BTRC: variants seen among roughly 807,000 people sequenced by gnomAD.
The protein encoded by BTRC is beta-transducin repeat containing E3 ubiquitin protein ligase.
BTRC carries 42 observed loss-of-function variants against 85.5 expected under a neutral mutation model. That is an observed-to-expected ratio of 0.49 (90% CI 0.38 to 0.64). BTRC has a LOEUF of 0.64. Among genes scored for constraint, BTRC ranks in the 30% least tolerant of loss-of-function variants. BTRC has a pLI of 0.00. For missense variants in BTRC, 594 were observed against 743.5 expected (o/e 0.80, Z 2.34); for synonymous variants, 255 against 263.3 (o/e 0.97, Z 0.30).
intron 5 of BTRC, among the ~76,000 whole-genome samples, chr10:101,522,839 A>C (rs559223147): frequency 1.8e-4 from 27 of 152,174 alleles, no homozygotes; most frequent in South Asian, 6.2e-4. Context: ...TGTCTTTTAT[A>C]ATAACACGTC....
chr10:101,476,486 TAA>T (rs1160850468), intron 3 of BTRC, among the ~76,000 whole-genome samples: 3 of 152,216 alleles, frequency 2.0e-5, no homozygotes, highest in Non-Finnish European at 4.4e-5. Context: ...TTTCTTTTTT[TAA>T]AGAGATGATG....
chr10:101,460,733 A>G (rs1945201775), intron 2 of BTRC, among the ~76,000 whole-genome samples: 1 of 152,350 alleles, frequency 6.6e-6, no homozygotes, highest in Middle Eastern at 3.4e-3. Flanking sequence ...TGAAATTTAC[A>G]TGTAGGTTTA....
At chr10:101,491,680 G>C (rs1210851056) in intron 4 of BTRC, among the ~76,000 whole-genome samples, 1 of 151,466 alleles carries the variant, frequency 6.6e-6, no homozygotes, top group Admixed American at 6.6e-5. Context: ...CTGGGTGACA[G>C]AGTAAGACTC....
intron 1 of BTRC, among the ~76,000 whole-genome samples, chr10:101,387,289 G>A (rs1219249576): frequency 6.6e-6 from 1 of 151,292 alleles, no homozygotes; most frequent in African/African-American, 2.4e-5. Context: ...TTAGTAATTA[G>A]TGTATGTATC....
At chr10:101,463,656 T>G (rs767362109) in intron 3 of BTRC, among the ~76,000 whole-genome samples, 27 of 151,864 alleles carry the variant, frequency 1.8e-4, no homozygotes, top group Non-Finnish European at 3.4e-4. Flanking sequence ...CCTGTAAAGT[T>G]TTTAGATATG....
At chr10:101,456,236 A>G (rs1458657954) in intron 2 of BTRC, among the ~76,000 whole-genome samples, 5 of 152,042 alleles carry the variant, frequency 3.3e-5, no homozygotes, top group African/African-American at 1.2e-4. Flanking sequence ...TTAGGCAAGG[A>G]TGTCAATGTC....
At chr10:101,488,023 AT>A (rs1323506717) in intron 4 of BTRC, among the ~76,000 whole-genome samples, 2 of 152,104 alleles carry the variant, frequency 1.3e-5, no homozygotes, top group East Asian at 3.9e-4. Flanking sequence ...GAGTCATTTG[AT>A]TTTGATTACC....
intron 1 of BTRC, among the ~76,000 whole-genome samples, chr10:101,401,378 G>A (rs1358094680): frequency 6.6e-6 from 1 of 152,056 alleles, no homozygotes; most frequent in African/African-American, 2.4e-5. Flanking sequence ...TTCTGTCAAG[G>A]GGAGAATAAA....
At chr10:101,454,928 A>G (rs1945036474) in intron 2 of BTRC, among the ~76,000 whole-genome samples, 1 of 152,206 alleles carries the variant, frequency 6.6e-6, no homozygotes, top group African/African-American at 2.4e-5. Context: ...GATGGTCCTG[A>G]AAACCAGGCC....
intron 1 of BTRC, among the ~76,000 whole-genome samples, chr10:101,371,986 A>G (rs752289487): frequency 1.6e-4 from 25 of 152,214 alleles, no homozygotes; most frequent in Non-Finnish European, 2.8e-4. Flanking sequence ...TTCTATAGCC[A>G]GCTTATTCAG....
At chr10:101,369,674 A>G (rs949822354) in intron 1 of BTRC, among the ~76,000 whole-genome samples, 6 of 152,176 alleles carry the variant, frequency 3.9e-5, no homozygotes, top group Non-Finnish European at 5.9e-5. Flanking sequence ...ATCATACTGG[A>G]CACACCACAC....
chr10:101,371,738 A>C (rs989430959), intron 1 of BTRC, among the ~76,000 whole-genome samples: 1 of 152,192 alleles, frequency 6.6e-6, no homozygotes, highest in African/African-American at 2.4e-5. Flanking sequence ...TACCTCTTCA[A>C]GTCCGTGAGA....
chr10:101,453,032 T>C (rs1944989092), intron 2 of BTRC, among the ~76,000 whole-genome samples: 1 of 152,194 alleles, frequency 6.6e-6, no homozygotes. Flanking sequence ...TCACCTTTCA[T>C]ACAAGAGTTT....
At position 101,354,524 on chromosome 10, in the gene BTRC, G is replaced by A; in HGVS notation, c.48+296G>A. ...CGGGGCCCTGGAGGGAAAGGGGCGTGGGGACTGTTACTGAAAAGCGGAGGA... is the reference window on the plus strand; with the variant it reads ...CGGGGCCCTGGAGGGAAAGGGGCGTAGGGACTGTTACTGAAAAGCGGAGGA... On this transcript the variant is annotated intron_variant, in intron 1 of 14. Coordinates refer to ENST00000370187, the MANE Select transcript of BTRC (RefSeq NM_033637.4). The A allele has an allele frequency of 8.9e-6, 4 of 449,982 alleles. No homozygotes were observed. The East Asian group carries it at 1.6e-4, about 18-fold the overall frequency. 27.9% of individuals were successfully genotyped at this position (449,982 alleles called of 1,614,324 possible).
At chr10:101,392,035 A>G (rs1943248031) in intron 1 of BTRC, among the ~76,000 whole-genome samples, 1 of 152,098 alleles carries the variant, frequency 6.6e-6, no homozygotes, top group Non-Finnish European at 1.5e-5. Context: ...GCTGGAGTGC[A>G]GTGCCGCTAT....
intron 4 of BTRC, among the ~76,000 whole-genome samples, chr10:101,486,103 G>A (rs1302810512): frequency 6.6e-6 from 1 of 152,160 alleles, no homozygotes; most frequent in Non-Finnish European, 1.5e-5. Flanking sequence ...ATGTTGTTAG[G>A]AAAGAGAGAG....
At chr10:101,418,969 C>T (rs1944022585) in intron 1 of BTRC, among the ~76,000 whole-genome samples, 1 of 151,826 alleles carries the variant, frequency 6.6e-6, no homozygotes, top group South Asian at 2.1e-4. Context: ...TATCTGTAAC[C>T]TAGCATACAT....
intron 2 of BTRC, among the ~76,000 whole-genome samples, chr10:101,439,375 C>T (rs1375833076): frequency 1.3e-5 from 2 of 152,112 alleles, no homozygotes; most frequent in Admixed American, 6.5e-5. Flanking sequence ...TACGTTGATC[C>T]GATGGTGTCC....
At chr10:101,536,222 G>C (rs2062382903) in intron 11 of BTRC, among the ~76,000 whole-genome samples, 1 of 152,220 alleles carries the variant, frequency 6.6e-6, no homozygotes, top group Non-Finnish European at 1.5e-5. Context: ...TCAGGAAACT[G>C]CTTTCTTAGC....
Sources: gnomAD v4.1 joint callset for allele counts (sites outside exome capture counted in the v4.1 genomes callset) on GRCh38, gnomAD v4.1.1 for gene constraint, MANE v1.5 for transcripts, NCBI Gene and HGNC (gene_info 2026-07-23, HGNC 2026-07-21) for gene names.